Variants in GMDS observed in about 807,000 individuals in gnomAD.
GMDS encodes the protein GDP-mannose 4,6-dehydratase.
Under a neutral mutation model 49.9 loss-of-function variants are expected in GMDS, and 20 were observed. The observed-to-expected ratio is 0.40, with a 90% CI of 0.28 to 0.58. The LOEUF is 0.58. GMDS is among the 20% of genes least tolerant of loss of function. The probability of loss-of-function intolerance (pLI) is 0.42; values close to 1 mark genes in which losing one functional copy is unlikely to be tolerated. For missense variants in GMDS, 362 were observed against 481.4 expected (o/e 0.75, Z 2.32); for synonymous variants, 177 against 178.6 (o/e 0.99, Z 0.07).
chr6:2,200,428 A>G (rs1432248001), intron 1 of GMDS, among the ~76,000 whole-genome samples: 1 of 150,880 alleles, frequency 6.6e-6, no homozygotes, highest in African/African-American at 2.4e-5. Context: ...TCCGAGATGT[A>G]ACCATCCAGG....
intron 7 of GMDS, among the ~76,000 whole-genome samples, chr6:1,902,978 C>T (rs1379713271): frequency 6.6e-6 from 1 of 152,136 alleles, no homozygotes; most frequent in Non-Finnish European, 1.5e-5. Flanking sequence ...AGCAAGCCCT[C>T]CTAGTCACAA....
chr6:1,885,381 C>A (rs1162825613), intron 7 of GMDS, among the ~76,000 whole-genome samples: 1 of 152,114 alleles, frequency 6.6e-6, no homozygotes, highest in Non-Finnish European at 1.5e-5. Flanking sequence ...TATCATATAT[C>A]AAATTAATGT....
At chr6:1,869,539 A>G (rs960524181) in intron 7 of GMDS, among the ~76,000 whole-genome samples, 2 of 152,184 alleles carry the variant, frequency 1.3e-5, no homozygotes, top group Non-Finnish European at 2.9e-5. Context: ...AATGTCTGGT[A>G]TTCAGGTATT....
rs114825781 is a variant in GMDS at position 2,040,678 on chromosome 6, G to A, written c.345+75093C>T. Among the ~76,000 whole-genome samples, 1,003 of 152,180 alleles carry A rather than the reference G, an allele frequency of 6.6e-3. 10 individuals are homozygous for A. Among genetic ancestry groups the A allele is most frequent in the African/African-American group, 0.023 (940 of 41,526 alleles). On this transcript the variant is annotated intron_variant, in intron 4 of 10. Transcript: ENST00000380815. The stretch of plus-strand genomic sequence containing the variant: ...TTTAGGACACATTGCCCAAAAATAT[G>A]GCACACTGACATTTGAGAAAACAGC...
At chr6:1,651,326 T>G (rs767628741) in intron 9 of GMDS, among the ~76,000 whole-genome samples, 5 of 152,224 alleles carry the variant, frequency 3.3e-5, no homozygotes, top group Non-Finnish European at 7.3e-5. Context: ...CATGGCTCAC[T>G]AAGGCCCAGC....
In GMDS at chr6:1,726,515, G is replaced by A. The variant is rs1561760092; in HGVS notation, c.891-3C>T. 1.4e-5 allele frequency: 23 copies of A among 1,602,620 alleles called. No homozygotes were observed. Among genetic ancestry groups the A allele is most frequent in the African/African-American group, 9.4e-5 (7 of 74,700 alleles). On this transcript the variant is annotated splice_polypyrimidine_tract_variant and splice_region_variant and intron_variant, in intron 8 of 10. Transcript: ENST00000380815. The stretch of plus-strand genomic sequence containing the variant: ...CATTTTCATTCTTTCCTTCCCACCT[G>A]TAAGGAAGATAAACACTGAATCAGC...
At chr6:1,905,639 G>GTCCCTGA (rs1207939302) in intron 7 of GMDS, among the ~76,000 whole-genome samples, 38 of 135,756 alleles carry the variant, frequency 2.8e-4, no homozygotes, top group South Asian at 7.6e-4. Context: ...ATCTGCATGT[G>GTCCCTGA]GGGCCAGCAC....
intron 1 of GMDS, among the ~76,000 whole-genome samples, chr6:2,237,201 G>A (rs1781399530): frequency 6.6e-6 from 1 of 152,176 alleles, no homozygotes; most frequent in Admixed American, 6.5e-5. Context: ...TCATTTCAAT[G>A]AGTAAATTTA....
At chr6:1,875,163 T>A (rs1009255262) in intron 7 of GMDS, among the ~76,000 whole-genome samples, 1 of 152,218 alleles carries the variant, frequency 6.6e-6, no homozygotes, top group Non-Finnish European at 1.5e-5. Context: ...TAGAGTTCTA[T>A]TCAAACAAGT....
chr6:2,229,589 AT>A (rs1780985378), intron 1 of GMDS, among the ~76,000 whole-genome samples: 2 of 151,942 alleles, frequency 1.3e-5, no homozygotes, highest in Admixed American at 1.3e-4. Flanking sequence ...AAAAAAGTAA[AT>A]TTGCCTGTGA....
intron 1 of GMDS, among the ~76,000 whole-genome samples, chr6:2,145,431 G>A (rs59344882): frequency 0.019 from 2,920 of 151,930 alleles, 96 homozygotes; most frequent in African/African-American, 0.067. Flanking sequence ...CCAGCTACTC[G>A]GGAAGCTGAG....
intron 1 of GMDS, among the ~76,000 whole-genome samples, chr6:2,229,993 G>C (rs971226008): frequency 1.4e-5 from 2 of 143,494 alleles, no homozygotes; most frequent in African/African-American, 5.8e-5. Context: ...TCCACTACAG[G>C]CTTTGCGAGA....
intron 9 of GMDS, among the ~76,000 whole-genome samples, chr6:1,646,950 C>CA (rs1250574427): frequency 3.3e-5 from 5 of 152,160 alleles, no homozygotes; most frequent in African/African-American, 1.2e-4. Context: ...CAGTCTCTTA[C>CA]AAAAAGACCA....
intron 7 of GMDS, among the ~76,000 whole-genome samples, chr6:1,843,951 C>T (rs548802890): frequency 5.3e-5 from 8 of 152,234 alleles, no homozygotes; most frequent in African/African-American, 1.7e-4. Context: ...GCTGTGGTGT[C>T]GGCTTGTCGG....
intron 7 of GMDS, among the ~76,000 whole-genome samples, chr6:1,855,574 G>T (rs928630944): frequency 1.3e-5 from 2 of 152,138 alleles, no homozygotes; most frequent in Admixed American, 1.3e-4. Context: ...GTAAACAGCT[G>T]TCACCAGGAA....
intron 1 of GMDS, among the ~76,000 whole-genome samples, chr6:2,167,868 C>G (rs747170373): frequency 6.6e-6 from 1 of 152,208 alleles, no homozygotes; most frequent in Non-Finnish European, 1.5e-5. Context: ...AACAACATTC[C>G]TCTTGTACCT....
chr6:2,123,808 ACTT>A (rs1405781636), intron 2 of GMDS, among the ~76,000 whole-genome samples: 11 of 152,234 alleles, frequency 7.2e-5, no homozygotes, highest in African/African-American at 2.7e-4. Flanking sequence ...ATCTACTGTT[ACTT>A]CTTCAAGTCT....
intron 4 of GMDS, among the ~76,000 whole-genome samples, chr6:2,078,078 C>T (rs562620409): frequency 6.6e-6 from 1 of 151,988 alleles, no homozygotes; most frequent in Non-Finnish European, 1.5e-5. Flanking sequence ...TGTAGCTGTT[C>T]ATGATAGTCT....
At chr6:2,048,507 T>C (rs1770165038) in intron 4 of GMDS, among the ~76,000 whole-genome samples, 1 of 152,230 alleles carries the variant, frequency 6.6e-6, no homozygotes, top group African/African-American at 2.4e-5. Context: ...CAAGACTGTA[T>C]TGACAATTCT....
Sources: allele counts gnomAD v4.1 joint callset (sites outside exome capture counted in the v4.1 genomes callset), GRCh38; gene constraint gnomAD v4.1.1; transcripts MANE v1.5; gene names NCBI Gene and HGNC (gene_info 2026-07-23, HGNC 2026-07-21).